The following CORO7 variants were observed in gnomAD, a reference collection of about 807,000 sequenced individuals.
CORO7 encodes the protein coronin 7.
CORO7 carries 107 observed loss-of-function variants against 126.6 expected under a neutral mutation model. The observed-to-expected ratio is 0.85, with a 90% CI of 0.72 to 0.99. CORO7 has a LOEUF of 0.99. CORO7 is among the 50% of genes least tolerant of loss of function. The pLI is 0.00. For missense variants in CORO7, 1,314 were observed against 1,255.8 expected (o/e 1.05, Z -0.70); for synonymous variants, 603 against 536.8 (o/e 1.12, Z -1.70).
At chr16:4,365,138 C>T in intron 10 of CORO7, 78 bp from the exon 11 acceptor site, 1 of 1,542,566 alleles carries the variant, frequency 6.5e-7, no homozygotes, top group Non-Finnish European at 8.7e-7. Context: ...AGCTCCCCCA[C>T]AGGTCCCCAA....
In CORO7 at chr16:4,413,329, C is replaced by T. The variant is rs527794334; in HGVS notation, c.136G>A (p.Ala46Thr). 6 of 1,583,136 alleles carry T rather than the reference C, an allele frequency of 3.8e-6. No homozygotes were observed. The African/African-American group carries it at 4.0e-5, about 11-fold the overall frequency. ...NHIKSSCSLI[A>T]FNSDRPGVLG... Reference sequence around the variant, plus strand: ...CTACCAGGACGGTCGGAGTTGAAGGCGATCAAGCTGCAGCTTGATTTGATG... The same window carrying T: ...CTACCAGGACGGTCGGAGTTGAAGGTGATCAAGCTGCAGCTTGATTTGATG... The change falls in exon 2 of 28, where the codon GCC (alanine) becomes ACC (threonine). Residue 46 changes from alanine (A) to threonine (T), a missense_variant. Transcript: ENST00000251166.
At chr16:4,383,176 G>A (rs933696127) in intron 9 of CORO7, 14 of 416,122 alleles carry the variant, frequency 3.4e-5, no homozygotes, top group East Asian at 1.2e-4. Context: ...TGGGCACGGC[G>A]GGCCCTGCCA....
At chr16:4,394,058 G>A (rs1276523596) in intron 7 of CORO7, among the ~76,000 whole-genome samples, 3 of 151,626 alleles carry the variant, frequency 2.0e-5, no homozygotes, top group South Asian at 2.1e-4. Flanking sequence ...CCGAGATTGC[G>A]CCACTGCCCT....
intron 14 of CORO7, among the ~76,000 whole-genome samples, chr16:4,363,643 C>T (rs1440640449): frequency 6.6e-6 from 1 of 151,886 alleles, no homozygotes; most frequent in South Asian, 2.1e-4. Context: ...AACTGGGAGG[C>T]GGAGGTTGCA....
At chr16:4,391,778 C>T (rs2055400778) in intron 7 of CORO7, among the ~76,000 whole-genome samples, 1 of 152,234 alleles carries the variant, frequency 6.6e-6, no homozygotes, top group East Asian at 1.9e-4. Flanking sequence ...GCTCCTCATT[C>T]TCCTGCATAG....
At chr16:4,382,047 C>A (rs560441052) in intron 9 of CORO7, 21 of 1,593,162 alleles carry the variant, frequency 1.3e-5, no homozygotes, top group Non-Finnish European at 1.7e-5. Context: ...CTGAGGCCCC[C>A]AGCCCGCCCT....
At chr16:4,386,468 C>T (rs1004651286) in intron 9 of CORO7, among the ~76,000 whole-genome samples, 2 of 152,208 alleles carry the variant, frequency 1.3e-5, no homozygotes, top group Non-Finnish European at 2.9e-5. Flanking sequence ...AGGGAAGGGG[C>T]TGTCTGACCT....
chr16:4,357,649 C>A (rs1596266319), intron 25 of CORO7: 1 of 386,270 alleles, frequency 2.6e-6, no homozygotes, highest in East Asian at 5.1e-5. Context: ...AGCCACCGCG[C>A]CTGGCCGACC....
rs2053923178 is a variant in CORO7 at position 4,354,892 on chromosome 16, G to A, written c.*266C>T. 1 of 433,484 alleles carries A rather than the reference G, an allele frequency of 2.3e-6. No homozygotes were observed. The highest frequency in any genetic ancestry group is 3.3e-5 in the East Asian group (1 of 30,278). 26.9% of individuals were successfully genotyped at this position (433,484 alleles called of 1,614,324 possible). A position where few individuals can be genotyped will look rare whatever the true frequency, so the allele number is the denominator to read the frequency against. The stretch of plus-strand genomic sequence containing the variant: ...GTGCCCAGGGCCTGCCCAGGGACAT[G>A]CTGCTGACCCCCCGCCACCCTGCAC... On this transcript the variant is annotated 3_prime_UTR_variant, in exon 28 of 28. Coordinates refer to ENST00000251166, the MANE Select transcript of CORO7 (RefSeq NM_024535.5).
chr16:4,361,506 C>T, intron 16 of CORO7, 37 bp from the exon 17 acceptor site: 1 of 1,603,382 alleles, frequency 6.2e-7, no homozygotes, highest in Non-Finnish European at 8.5e-7. Flanking sequence ...CCCATCAGTA[C>T]CAGGCAGAAA....
In CORO7 at chr16:4,365,142, T is replaced by C. The variant is rs893717763; in HGVS notation, c.841-82A>G. 1.3e-5 allele frequency: 20 copies of C among 1,539,208 alleles called. No individual in the cohort carries two copies. In the Admixed American group the frequency reaches 2.2e-4, roughly 17 times the overall value. ...GGACTGGCATCAGCTCCCCCACAGG[T>C]CCCCAAGGACCTGAGCCACAGAACC... On this transcript the variant is annotated intron_variant, in intron 10 of 27. Coordinates refer to ENST00000251166, the MANE Select transcript of CORO7 (RefSeq NM_024535.5).
At chr16:4,394,516 C>G (rs2055514060) in intron 7 of CORO7, among the ~76,000 whole-genome samples, 1 of 152,206 alleles carries the variant, frequency 6.6e-6, no homozygotes, top group African/African-American at 2.4e-5. Flanking sequence ...CCGTATCCCC[C>G]AGCGCCCCTC....
At position 4,362,272 on chromosome 16, in the gene CORO7, G is replaced by C; in HGVS notation, c.1403-112C>G. The C allele has an allele frequency of 7.1e-7, 1 of 1,417,664 alleles. No homozygotes were observed. The highest frequency in any genetic ancestry group is 1.4e-5 in the South Asian group (1 of 69,704). The allele number at this position is 1,417,664 out of a possible 1,614,324, so 87.8% of individuals were successfully genotyped here. A position where few individuals can be genotyped will look rare whatever the true frequency, so the allele number is the denominator to read the frequency against. On this transcript the variant is annotated intron_variant, in intron 15 of 27. Coordinates refer to ENST00000251166, the MANE Select transcript of CORO7 (RefSeq NM_024535.5). This position sits in a 1 kb window ranked among gnomAD's most constrained non-coding sequence, Gnocchi z 5.3. The stretch of plus-strand genomic sequence containing the variant: ...CTCACCCCAGGTGGATGTACAGCAT[G>C]GACCTAGGCCCAGGCCTTTGCTAAT...
chr16:4,407,069 T>A (rs1383073249), intron 5 of CORO7, among the ~76,000 whole-genome samples: 1 of 152,160 alleles, frequency 6.6e-6, no homozygotes, highest in African/African-American at 2.4e-5. Context: ...TGCCGCAGCC[T>A]TCTGAGTAGC....
intron 9 of CORO7, among the ~76,000 whole-genome samples, chr16:4,369,724 C>T (rs2054460766): frequency 6.6e-6 from 1 of 152,182 alleles, no homozygotes; most frequent in African/African-American, 2.4e-5. Flanking sequence ...ATCCCTCCCG[C>T]TCAGGCCCCT....
chr16:4,407,423 C>T (rs1488401165), intron 5 of CORO7, 78 bp downstream of exon 5: 5 of 1,491,644 alleles, frequency 3.4e-6, no homozygotes, highest in Non-Finnish European at 4.5e-6. Flanking sequence ...ATTTATGTGA[C>T]TAAACATGCC....
At chr16:4,389,883 G>A (rs1160697428) in intron 7 of CORO7, among the ~76,000 whole-genome samples, 2 of 152,296 alleles carry the variant, frequency 1.3e-5, no homozygotes, top group African/African-American at 2.4e-5. Context: ...ATTCATTCAA[G>A]AAACACACAA....
At chr16:4,387,140 C>G (rs2055219757) in intron 9 of CORO7, among the ~76,000 whole-genome samples, 1 of 152,320 alleles carries the variant, frequency 6.6e-6, no homozygotes, top group Non-Finnish European at 1.5e-5. Flanking sequence ...GAGTCCCTGT[C>G]TCTCCACCCC....
chr16:4,407,747 C>T (rs1240845585), intron 4 of CORO7, 63 bp from the exon 5 acceptor site: 12 of 1,489,414 alleles, frequency 8.1e-6, no homozygotes, highest in Non-Finnish European at 9.8e-6. Context: ...AGTCAGCTGC[C>T]GTGACCCCAG....
Sources: allele counts gnomAD v4.1 joint callset (sites outside exome capture counted in the v4.1 genomes callset), GRCh38; gene constraint gnomAD v4.1.1; non-coding constraint Gnocchi (gnomAD v3.1); transcripts MANE v1.5; gene names NCBI Gene and HGNC (gene_info 2026-07-23, HGNC 2026-07-21).